Variants in PCDHGC4 observed in about 807,000 individuals in gnomAD.
PCDHGC4 encodes the protein protocadherin gamma subfamily C, 4, also known as protocadherin gamma-C4.
Under a neutral mutation model 59.7 loss-of-function variants are expected in PCDHGC4, and 15 were observed. The observed-to-expected ratio is 0.25, with a 90% CI of 0.17 to 0.39. The LOEUF is 0.39. Ranked by LOEUF, PCDHGC4 falls within the 10% of genes least tolerant of loss-of-function variation. PCDHGC4 has a pLI of 1.00. For missense variants in PCDHGC4, 1,016 were observed against 1,189.5 expected (o/e 0.85, Z 2.15); for synonymous variants, 434 against 481.4 (o/e 0.90, Z 1.29).
chr5:141,507,861 C>G (rs538942097), intron 3 of PCDHGC4, among the ~76,000 whole-genome samples: 6 of 152,306 alleles, frequency 3.9e-5, no homozygotes, highest in South Asian at 4.1e-4. Flanking sequence ...CTTTCACACC[C>G]GCTTCCTAGC....
At position 141,502,665 on chromosome 5, in the gene PCDHGC4, A is replaced by G. The variant is rs192555506; in HGVS notation, c.2502-2728A>G. The stretch of plus-strand genomic sequence containing the variant: ...GAGATAGGCAGCAACCCTTCATGCA[A>G]TTTTAGTATTCCCTGATGATCCTTG... On this transcript the variant is annotated intron_variant, in intron 2 of 3. Transcript: ENST00000306593. 3.7e-3 allele frequency among the ~76,000 whole-genome samples: 568 copies of G among 152,330 alleles called. 1 individual carries two copies. Among genetic ancestry groups the G allele is most frequent in the African/African-American group, 0.013 (544 of 41,584 alleles).
In PCDHGC4 at chr5:141,487,818, G is replaced by A. The variant is rs1009237001; in HGVS notation, c.2442+203G>A. On this transcript the variant is annotated intron_variant, in intron 1 of 3. Coordinates refer to ENST00000306593, the MANE Select transcript of PCDHGC4 (RefSeq NM_018928.3). This position sits in a 1 kb window ranked among gnomAD's most constrained non-coding sequence, Gnocchi z 5.0. ...GAGTTGTCACAGTTTAGCATTGGGG[G>A]CGGGTCATGCCTATATCTGAGTAAG... The A allele has an allele frequency of 1.2e-4, 158 of 1,331,596 alleles. No homozygotes were observed. The highest frequency in any genetic ancestry group is 1.4e-4 in the Non-Finnish European group (140 of 970,524). 82.5% of individuals were successfully genotyped at this position (1,331,596 alleles called of 1,614,324 possible). A position where few individuals can be genotyped will look rare whatever the true frequency, so the allele number is the denominator to read the frequency against.
intron 2 of PCDHGC4, among the ~76,000 whole-genome samples, chr5:141,499,885 G>A (rs945162089): frequency 2.6e-5 from 4 of 151,850 alleles, no homozygotes; most frequent in Non-Finnish European, 4.4e-5. Flanking sequence ...ACAGGGTTTC[G>A]CCATGTTGGC....
chr5:141,510,852 G>A (rs2099883073), intron 3 of PCDHGC4, 95 bp from the exon 4 acceptor site: 2 of 1,601,096 alleles, frequency 1.2e-6, no homozygotes, highest in Non-Finnish European at 1.7e-6. Flanking sequence ...GGCCCAGGGT[G>A]CTGTATAGGC....
At chr5:141,488,260 G>A (rs1297588710) in intron 1 of PCDHGC4, among the ~76,000 whole-genome samples, 2 of 152,182 alleles carry the variant, frequency 1.3e-5, no homozygotes, top group Non-Finnish European at 1.5e-5. Context: ...AGGTTGGGGC[G>A]GGTTGGTCAT....
intron 2 of PCDHGC4, 149 bp from the exon 3 acceptor site, chr5:141,505,244 T>C (rs886952348): frequency 7.0e-7 from 1 of 1,428,216 alleles, no homozygotes; most frequent in Non-Finnish European, 9.4e-7. Context: ...TGAAGGATTG[T>C]AGAAGTGCCT....
At position 141,487,344 on chromosome 5, in the gene PCDHGC4, C is replaced by T. The variant is rs1232854025; in HGVS notation, c.2171C>T (p.Thr724Ile). The change falls in exon 1 of 4, where the codon ACA becomes ATA. Residue 724 changes from threonine (T) to isoleucine (I), a missense_variant. Coordinates refer to ENST00000306593, the MANE Select transcript of PCDHGC4 (RefSeq NM_018928.3). This position sits in a 1 kb window ranked among gnomAD's most constrained non-coding sequence, Gnocchi z 5.0. ...KCLRGAACGV[T>I]CFPAGTCACL... ...CTTCGTGGGGCAGCCTGTGGAGTCA[C>T]ATGCTTTCCTGCTGGCACCTGTGCC... 3 of 1,614,208 alleles carry T rather than the reference C, an allele frequency of 1.9e-6. No individual in the cohort carries two copies. The highest frequency in any genetic ancestry group is 3.3e-5 in the Admixed American group (2 of 60,024).
At chr5:141,500,369 C>T (rs1034629981) in intron 2 of PCDHGC4, among the ~76,000 whole-genome samples, 4 of 151,866 alleles carry the variant, frequency 2.6e-5, no homozygotes, top group Admixed American at 6.6e-5. Flanking sequence ...CTACCACGCC[C>T]GGCTAATTAT....
At position 141,491,201 on chromosome 5, in the gene PCDHGC4, C is replaced by T. The variant is rs752813291; in HGVS notation, c.2442+3586C>T. The T allele has an allele frequency of 3.7e-6, 6 of 1,614,226 alleles. No homozygotes were observed. The Admixed American group carries it at 5.0e-5, about 13-fold the overall frequency. On this transcript the variant is annotated intron_variant, in intron 1 of 3. Transcript: ENST00000306593. This position sits in a 1 kb window ranked among gnomAD's most constrained non-coding sequence, Gnocchi z 6.9. ...GTCCTGGTGAGGGACAATGGTGACCCTTCACTCTCCTCCACAGCCACAGTG... is the reference window on the plus strand; with the variant it reads ...GTCCTGGTGAGGGACAATGGTGACCTTTCACTCTCCTCCACAGCCACAGTG...
chr5:141,501,331 A>T (rs1024837974), intron 2 of PCDHGC4, among the ~76,000 whole-genome samples: 2 of 138,846 alleles, frequency 1.4e-5, no homozygotes, highest in Non-Finnish European at 1.6e-5. Flanking sequence ...ACACACACAC[A>T]CACCCCAAAC....
intron 2 of PCDHGC4, among the ~76,000 whole-genome samples, chr5:141,501,876 C>T (rs1463329895): frequency 6.6e-6 from 1 of 152,118 alleles, no homozygotes; most frequent in East Asian, 1.9e-4. Context: ...CGCCTCCTTA[C>T]ACTCCTGATC....
chr5:141,487,135 A>G lies in PCDHGC4; in HGVS notation c.1962A>G (p.Pro654=). 6.2e-7 allele frequency: 1 copy of G among 1,613,544 alleles called. No individual in the cohort carries two copies. The highest frequency in any genetic ancestry group is 8.5e-7 in the Non-Finnish European group (1 of 1,179,856). ...TGGTAAAGGATAGTGGTAGTCCACC[A>G]CTCTCTACCTCTGTTACTCTCTTAG... ...VIVVKDSGSP[P]LSTSVTLLVS... is the part of the protein sequence containing the mutation. The change falls in exon 1 of 4, where the codon CCA becomes CCG. Residue 654 remains proline, a synonymous_variant. Transcript: ENST00000306593. The surrounding 1 kb of genome is among the most constrained non-coding windows in gnomAD (Gnocchi z 5.0).
At chr5:141,509,782 C>A (rs2099878218) in intron 3 of PCDHGC4, among the ~76,000 whole-genome samples, 1 of 152,144 alleles carries the variant, frequency 6.6e-6, no homozygotes, top group Admixed American at 6.5e-5. Context: ...TCCCCGAGAT[C>A]ATCATCTCCT....
At chr5:141,496,662 T>A (rs557106775) in intron 2 of PCDHGC4, among the ~76,000 whole-genome samples, 1 of 152,344 alleles carries the variant, frequency 6.6e-6, no homozygotes, top group African/African-American at 2.4e-5. Flanking sequence ...TGACCCCAGC[T>A]GTTGTCCTTC....
chr5:141,511,641 A>C lies in PCDHGC4; in HGVS notation c.*468A>C. On this transcript the variant is annotated 3_prime_UTR_variant, in exon 4 of 4. Transcript: ENST00000306593. ...TCTGAAAAGTTGGAAGGGCATCATG[A>C]CCTCTTGGCCTCTCCTTTGATTCTC... 1 of 224,930 alleles carries C rather than the reference A, an allele frequency of 4.4e-6. No homozygotes were observed. The allele number at this position is 224,930 out of a possible 1,614,324, so 13.9% of individuals were successfully genotyped here. A position where few individuals can be genotyped will look rare whatever the true frequency, so the allele number is the denominator to read the frequency against.
chr5:141,510,239 C>T (rs2099880022), intron 3 of PCDHGC4, among the ~76,000 whole-genome samples: 1 of 150,434 alleles, frequency 6.6e-6, no homozygotes, highest in Non-Finnish European at 1.5e-5. Flanking sequence ...CGCCACTGCA[C>T]TCCAGGCTGG....
intron 2 of PCDHGC4, among the ~76,000 whole-genome samples, chr5:141,500,666 G>A (rs567881941): frequency 3.6e-4 from 55 of 152,250 alleles, no homozygotes; most frequent in African/African-American, 1.3e-3. Context: ...AGGCCATACT[G>A]TCCAACAGAA....
chr5:141,486,263 G>GAACCTGGC lies in PCDHGC4; in HGVS notation c.1092_1099dup (p.Thr367AsnfsTer22). 6.2e-7 allele frequency: 1 copy of GAACCTGGC among 1,614,090 alleles called. No homozygotes were observed. Among genetic ancestry groups the GAACCTGGC allele is most frequent in the South Asian group, 1.1e-5 (1 of 91,064 alleles). On this transcript the variant is annotated frameshift_variant, in exon 1 of 4. Coordinates refer to ENST00000306593, the MANE Select transcript of PCDHGC4 (RefSeq NM_018928.3). LOFTEE classifies it high-confidence loss of function. This position sits in a 1 kb window ranked among gnomAD's most constrained non-coding sequence, Gnocchi z 5.0. ...GCTTGGAACCCTCCCCGAGAGTGCAGAACCTGGCACTGTGGTGGCACTTAT... is the reference window on the plus strand; with the variant it reads ...GCTTGGAACCCTCCCCGAGAGTGCAGAACCTGGCAACCTGGCACTGTGGTGGCACTTAT...
At position 141,510,842 on chromosome 5, in the gene PCDHGC4, G is replaced by A. The variant is rs531098325; in HGVS notation, c.2591-105G>A. 8.7e-5 allele frequency: 138 copies of A among 1,590,280 alleles called. No homozygotes were observed. The African/African-American group carries it at 1.7e-3, about 19-fold the overall frequency. ...TATTCCCAGTGCTCAGCGTGGTCAA[G>A]GCCCAGGGTGCTGTATAGGCATTCA... On this transcript the variant is annotated intron_variant, in intron 3 of 3. Coordinates refer to ENST00000306593, the MANE Select transcript of PCDHGC4 (RefSeq NM_018928.3).
Sources: gnomAD v4.1 joint callset for allele counts (sites outside exome capture counted in the v4.1 genomes callset) on GRCh38, gnomAD v4.1.1 for gene constraint, Gnocchi (gnomAD v3.1) non-coding constraint, MANE v1.5 for transcripts, NCBI Gene and HGNC (gene_info 2026-07-23, HGNC 2026-07-21) for gene names.